Variants in TTC12 observed in about 807,000 individuals in gnomAD.
The protein encoded by TTC12 is tetratricopeptide repeat domain 12.
Under a neutral mutation model 90.1 loss-of-function variants are expected in TTC12, and 70 were observed. The observed-to-expected ratio is 0.78, with a 90% CI of 0.64 to 0.95. The LOEUF (loss-of-function observed/expected upper bound fraction) is 0.95. TTC12 is among the 40% of genes least tolerant of loss of function. The pLI, the probability that TTC12 is intolerant of heterozygous loss-of-function variation, is 0.00. For synonymous variants in TTC12, 296 were observed against 311.5 expected (o/e 0.95, Z 0.53); for missense variants, 819 against 846.1 (o/e 0.97, Z 0.40).
chr11:113,336,849 A>T (rs1227623799), intron 8 of TTC12, among the ~76,000 whole-genome samples: 1 of 152,190 alleles, frequency 6.6e-6, no homozygotes, highest in East Asian at 1.9e-4. Context: ...AAATTTCTAT[A>T]TGAACTTCAA....
chr11:113,347,163 G>T (rs903224027), intron 13 of TTC12, among the ~76,000 whole-genome samples: 4 of 152,202 alleles, frequency 2.6e-5, no homozygotes, highest in Non-Finnish European at 5.9e-5. Flanking sequence ...CAAGACCGAA[G>T]AAAATAGGTT....
chr11:113,325,722 G>C (rs1038872867), intron 6 of TTC12, 77 bp downstream of exon 6: 1 of 1,573,398 alleles, frequency 6.4e-7, no homozygotes. Context: ...CAAAGATGAG[G>C]CTAGATGTTG....
chr11:113,329,098 G>T (rs141989503), intron 6 of TTC12, among the ~76,000 whole-genome samples: 1 of 152,134 alleles, frequency 6.6e-6, no homozygotes, highest in Non-Finnish European at 1.5e-5. Context: ...ACATTCATGT[G>T]TAAGCATTTG....
chr11:113,317,940 A>G (rs1485776143), intron 2 of TTC12, among the ~76,000 whole-genome samples: 1 of 152,198 alleles, frequency 6.6e-6, no homozygotes, highest in African/African-American at 2.4e-5. Context: ...AACTAGCCAC[A>G]TGATTATTGA....
At chr11:113,332,694 C>A (rs1218315059) in intron 7 of TTC12, among the ~76,000 whole-genome samples, 1 of 152,168 alleles carries the variant, frequency 6.6e-6, no homozygotes, top group Non-Finnish European at 1.5e-5. Flanking sequence ...CCCCAGTCTC[C>A]CCTTCCCCAG....
At position 113,334,997 on chromosome 11, in the gene TTC12, A is replaced by G. The variant is rs1555143601; in HGVS notation, c.536A>G (p.His179Arg). 6.2e-6 allele frequency: 10 copies of G among 1,613,860 alleles called. No individual in the cohort carries two copies. Among genetic ancestry groups the G allele is most frequent in the Non-Finnish European group, 8.5e-6 (10 of 1,179,860 alleles). ...CDEKCTKAYF[H>R]MGKANLALKN... ...GAAAAATGCACAAAAGCATATTTTC[A>G]CATGGGAAAAGCCAACCTGGCCCTG... is the stretch of plus-strand genomic sequence containing the variant. The change falls in exon 8 of 22, where the codon CAC (histidine) becomes CGC (arginine). Residue 179 changes from histidine to arginine, a missense_variant. Physicochemically the swap from His to Arg is conservative, Grantham distance 29. Coordinates refer to ENST00000529221, the MANE Select transcript of TTC12 (RefSeq NM_017868.4).
chr11:113,335,604 A>G (rs557647834), intron 8 of TTC12, among the ~76,000 whole-genome samples: 8 of 152,118 alleles, frequency 5.3e-5, no homozygotes, highest in African/African-American at 1.9e-4. Context: ...CCCCATCTCA[A>G]CGTTAGGCAA....
chr11:113,352,442 TTTATTTA>T (rs1949357285), intron 16 of TTC12, among the ~76,000 whole-genome samples: 1 of 151,530 alleles, frequency 6.6e-6, no homozygotes, highest in South Asian at 2.1e-4. Context: ...TTAAAAATTA[TTTATTTA>T]TTTATTTATT....
chr11:113,338,661 CAGG>C (rs1948509778), intron 8 of TTC12, 110 bp from the exon 9 acceptor site: 2 of 737,292 alleles, frequency 2.7e-6, no homozygotes, highest in Admixed American at 2.3e-5. Flanking sequence ...GCACTGGGAG[CAGG>C]AGGAGGTGAG....
At position 113,363,932 on chromosome 11, in the gene TTC12, G is replaced by C. The variant is rs1950074032; in HGVS notation, c.1816+5G>C. ...AAGTAATAAGACTGGATAAAAGTAAGTGATGATTTCCTTAAGGGAGCCCTT... is the reference window on the plus strand; with the variant it reads ...AAGTAATAAGACTGGATAAAAGTAACTGATGATTTCCTTAAGGGAGCCCTT... On this transcript the variant is annotated splice_donor_5th_base_variant and intron_variant, in intron 20 of 21. Transcript: ENST00000529221. 1.9e-6 allele frequency: 3 copies of C among 1,602,696 alleles called. No homozygotes were observed. Among genetic ancestry groups the C allele is most frequent in the Non-Finnish European group, 2.6e-6 (3 of 1,169,790 alleles).
At chr11:113,370,227 T>G (rs1950345630), downstream of TTC12, among the ~76,000 whole-genome samples, 1 of 152,214 alleles carries the variant, frequency 6.6e-6, no homozygotes, top group Admixed American at 6.5e-5. Flanking sequence ...TGCAAACAGA[T>G]ACTCCTCTGT....
In TTC12 at chr11:113,335,086, C is replaced by T. The variant is rs375480655; in HGVS notation, c.576+49C>T. 1.6e-5 allele frequency: 22 copies of T among 1,337,320 alleles called. No individual in the cohort carries two copies. In the African/African-American group the frequency reaches 1.9e-4, roughly 11 times the overall value. 82.8% of individuals were successfully genotyped at this position (1,337,320 alleles called of 1,614,324 possible). On this transcript the variant is annotated intron_variant, in intron 8 of 21. Transcript: ENST00000529221. ...TGACATGTTTGATCACAGACTGATG[C>T]TCCCAGTTGTGCTAGAGGAGAACCA...
At chr11:113,359,845 T>A in intron 17 of TTC12, 95 bp from the exon 18 acceptor site, 1 of 907,678 alleles carries the variant, frequency 1.1e-6, no homozygotes, top group South Asian at 1.6e-5. Context: ...AGTGTGGTGG[T>A]GCTAAAAAGG....
At chr11:113,343,484 C>A (rs1167208454) in intron 12 of TTC12, among the ~76,000 whole-genome samples, 2 of 152,112 alleles carry the variant, frequency 1.3e-5, no homozygotes, top group Non-Finnish European at 2.9e-5. Context: ...TCCTGTAGTC[C>A]TGTTACTCTG....
chr11:113,361,459 G>A (rs1253508918), intron 18 of TTC12, among the ~76,000 whole-genome samples: 3 of 152,190 alleles, frequency 2.0e-5, no homozygotes, highest in African/African-American at 4.8e-5. Context: ...GGAGGAACAC[G>A]TAGCTGGGCA....
chr11:113,327,321 T>C (rs1947753753), intron 6 of TTC12, among the ~76,000 whole-genome samples: 1 of 152,210 alleles, frequency 6.6e-6, no homozygotes. Flanking sequence ...GACAAAATAA[T>C]GGACAATGTG....
At chr11:113,334,886 CT>C (rs1948271032) in intron 7 of TTC12, 79 bp from the exon 8 acceptor site, 1 of 1,203,732 alleles carries the variant, frequency 8.3e-7, no homozygotes, top group Non-Finnish European at 1.2e-6. Context: ...CGCCTTAACT[CT>C]TTTAGCTGTA....
In TTC12 at chr11:113,323,407, A is replaced by G; in HGVS notation, c.178A>G (p.Thr60Ala). ...CCAGGAGGAGGATGAATGCAGGACC[A>G]CCTTGAACAAGACTATGATCAGTCC... is the stretch of plus-strand genomic sequence containing the variant. ...EDQEEDECRTTLNKTMISPPQ... is the reference protein window; with the variant it reads ...EDQEEDECRTALNKTMISPPQ... The change falls in exon 3 of 22, where the codon ACC becomes GCC. Residue 60 changes from threonine to alanine, a missense_variant. Transcript: ENST00000529221. 2 of 1,611,966 alleles carry G rather than the reference A, an allele frequency of 1.2e-6. No individual in the cohort carries two copies. Among genetic ancestry groups the G allele is most frequent in the Admixed American group, 1.7e-5 (1 of 59,346 alleles).
intron 13 of TTC12, among the ~76,000 whole-genome samples, chr11:113,347,951 C>G (rs147039632): frequency 6.6e-6 from 1 of 152,314 alleles, no homozygotes; most frequent in Non-Finnish European, 1.5e-5. Context: ...AGGACACCAT[C>G]CTTCCTGGCC....
Sources: allele counts gnomAD v4.1 joint callset (sites outside exome capture counted in the v4.1 genomes callset), GRCh38; gene constraint gnomAD v4.1.1; transcripts MANE v1.5; gene names NCBI Gene and HGNC (gene_info 2026-07-23, HGNC 2026-07-21).